The following ADCY9 variants were observed in gnomAD, a reference collection of about 807,000 sequenced individuals.
The protein encoded by ADCY9 is adenylate cyclase type 9.
Under a neutral mutation model 101.5 loss-of-function variants are expected in ADCY9, and 50 were observed. The observed-to-expected ratio is 0.49, with a 90% CI of 0.39 to 0.62. The LOEUF is 0.62. Among genes scored for constraint, ADCY9 ranks in the 20% least tolerant of loss-of-function variants. The pLI, the probability that ADCY9 is intolerant of heterozygous loss-of-function variation, is 0.00. For synonymous variants in ADCY9, 905 were observed against 769.3 expected, an observed-to-expected ratio of 1.18 and a Z score of -2.92; for missense variants, 1,662 against 1,800.4, an observed-to-expected ratio of 0.92 and a Z score of 1.39.
intron 3 of ADCY9, 95 bp from the exon 4 acceptor site, chr16:3,993,605 A>C: frequency 1.3e-6 from 2 of 1,491,116 alleles, no homozygotes; most frequent in Non-Finnish European, 1.8e-6. Flanking sequence ...GCCGTCACGC[A>C]GCATGGTGGT....
intron 2 of ADCY9, among the ~76,000 whole-genome samples, chr16:4,075,402 G>A (rs2056860636): frequency 6.6e-6 from 1 of 152,132 alleles, no homozygotes; most frequent in African/African-American, 2.4e-5. Flanking sequence ...GCCTCCCAAA[G>A]TGCTGGGATT....
chr16:4,112,972 A>C (rs2057122897), intron 2 of ADCY9, among the ~76,000 whole-genome samples: 1 of 152,152 alleles, frequency 6.6e-6, no homozygotes, highest in Non-Finnish European at 1.5e-5. Flanking sequence ...AGGAGCTTCA[A>C]ACCAGGGACC....
downstream of ADCY9, among the ~76,000 whole-genome samples, chr16:3,958,501 T>C (rs1259279904): frequency 2.1e-5 from 3 of 144,090 alleles, no homozygotes; most frequent in Non-Finnish European, 4.5e-5. Context: ...GATCGCGCCA[T>C]TGCACTTCCA....
intron 2 of ADCY9, among the ~76,000 whole-genome samples, chr16:4,013,043 G>A (rs1211926579): frequency 6.6e-6 from 1 of 152,054 alleles, no homozygotes; most frequent in Non-Finnish European, 1.5e-5. Flanking sequence ...CTTGAGCCCA[G>A]GAGTTTGAGA....
At chr16:4,022,516 A>G (rs2056484887) in intron 2 of ADCY9, among the ~76,000 whole-genome samples, 1 of 142,906 alleles carries the variant, frequency 7.0e-6, no homozygotes, top group African/African-American at 2.6e-5. Context: ...AAAAAAAAAG[A>G]CTAAGACTAT....
At chr16:4,045,838 A>G (rs1288052474) in intron 2 of ADCY9, among the ~76,000 whole-genome samples, 1 of 148,458 alleles carries the variant, frequency 6.7e-6, no homozygotes, top group East Asian at 2.0e-4. Context: ...AGCTGGGACT[A>G]CAGACATGCA....
chr16:3,954,738 C>A (rs2055898527), intron 5 of ADCY9, among the ~76,000 whole-genome samples: 1 of 152,128 alleles, frequency 6.6e-6, no homozygotes, highest in African/African-American at 2.4e-5. Flanking sequence ...ACACTGGAGT[C>A]CACACAGGGG....
At chr16:4,101,931 T>C (rs1236658835) in intron 2 of ADCY9, among the ~76,000 whole-genome samples, 3 of 152,190 alleles carry the variant, frequency 2.0e-5, no homozygotes, top group Non-Finnish European at 4.4e-5. Context: ...GGCTGCCAAG[T>C]TCGGCAGCTA....
At chr16:4,003,509 T>C (rs1431235586) in intron 3 of ADCY9, among the ~76,000 whole-genome samples, 1 of 150,074 alleles carries the variant, frequency 6.7e-6, no homozygotes, top group African/African-American at 2.4e-5. Context: ...ACCACCGCAC[T>C]GAAGAGGAAA....
intron 2 of ADCY9, among the ~76,000 whole-genome samples, chr16:4,107,918 G>A (rs574408503): frequency 3.9e-4 from 60 of 152,306 alleles, no homozygotes; most frequent in African/African-American, 1.4e-3. Context: ...CAAAGGTCTC[G>A]ATCACAGAGG....
chr16:4,095,737 G>A (rs187362556), intron 2 of ADCY9, among the ~76,000 whole-genome samples: 6 of 152,088 alleles, frequency 3.9e-5, no homozygotes, highest in Non-Finnish European at 7.4e-5. Flanking sequence ...AGCACTTTAG[G>A]AGGCCAAGGC....
intron 2 of ADCY9, among the ~76,000 whole-genome samples, chr16:4,048,502 GATCCATTAAGCTACCTAAGAAT>G (rs1162212145): frequency 2.0e-5 from 3 of 152,130 alleles, no homozygotes; most frequent in African/African-American, 7.2e-5. Context: ...TATGAAAATG[GATCCATTAAGCTACCTAAGAAT>G]AACATAGCCC....
At chr16:4,103,341 T>C (rs964264018) in intron 2 of ADCY9, among the ~76,000 whole-genome samples, 3 of 152,186 alleles carry the variant, frequency 2.0e-5, no homozygotes, top group Non-Finnish European at 4.4e-5. Flanking sequence ...GTCTAAACTA[T>C]TTGCACAATG....
rs147834211 is a variant in ADCY9 at position 4,080,405 on chromosome 16, G to A, written c.1693+33345C>T. ...ACTACAGGCGTGCGCCACCACACCCGATTAATTTTTGTATATATATATACA... is the reference window on the plus strand; with the variant it reads ...ACTACAGGCGTGCGCCACCACACCCAATTAATTTTTGTATATATATATACA... On this transcript the variant is annotated intron_variant, in intron 2 of 10. Transcript: ENST00000294016. Among the ~76,000 whole-genome samples, 214 of 151,996 alleles carry A rather than the reference G, an allele frequency of 1.4e-3. 1 individual carries two copies. Among genetic ancestry groups the A allele is most frequent in the African/African-American group, 4.7e-3 (195 of 41,446 alleles).
chr16:4,007,917 T>G (rs73490525), intron 2 of ADCY9, among the ~76,000 whole-genome samples: 8,269 of 152,264 alleles, frequency 0.054, 398 homozygotes, highest in African/African-American at 0.13. Flanking sequence ...GACACTGCTT[T>G]GGTTTATTTC....
intron 2 of ADCY9, among the ~76,000 whole-genome samples, chr16:4,060,741 C>T (rs924897617): frequency 6.6e-6 from 1 of 152,024 alleles, no homozygotes; most frequent in East Asian, 1.9e-4. Context: ...CTGCATTTTG[C>T]CAAAGGTGAT....
chr16:4,043,646 C>T (rs1006806126), intron 2 of ADCY9, among the ~76,000 whole-genome samples: 4 of 152,032 alleles, frequency 2.6e-5, no homozygotes, highest in Admixed American at 6.6e-5. Flanking sequence ...ACCAAGATTC[C>T]GCCACTGCAT....
intron 10 of ADCY9, 135 bp downstream of exon 10, chr16:3,974,534 T>C (rs1308921932): frequency 1.5e-6 from 1 of 652,964 alleles, no homozygotes; most frequent in Non-Finnish European, 2.7e-6. Context: ...GGAGATATTT[T>C]CCACTTTCTA....
intron 5 of ADCY9, among the ~76,000 whole-genome samples, chr16:3,956,209 T>A (rs2055905454): frequency 6.6e-6 from 1 of 151,920 alleles, no homozygotes. Context: ...CAAAGTCATA[T>A]TTTTTTTCAC....
Sources: gnomAD v4.1 joint callset for allele counts (sites outside exome capture counted in the v4.1 genomes callset) on GRCh38, gnomAD v4.1.1 for gene constraint, MANE v1.5 for transcripts, NCBI Gene and HGNC (gene_info 2026-07-23, HGNC 2026-07-21) for gene names.